Variants in WWOX observed in about 807,000 individuals in gnomAD.
WWOX encodes the protein WW domain containing oxidoreductase.
WWOX carries 69 observed loss-of-function variants against 46.2 expected under a neutral mutation model. The observed-to-expected ratio is 1.49, with a 90% CI of 1.23 to 1.82. WWOX has a LOEUF of 1.82. Among genes scored for constraint, WWOX ranks in the 40% most tolerant of loss-of-function variants. WWOX has a pLI of 0.00. For synonymous variants in WWOX, 359 were observed against 202.6 expected, an observed-to-expected ratio of 1.77 and a Z score of -6.56; for missense variants, 919 against 542.6, an observed-to-expected ratio of 1.69 and a Z score of -6.89.
chr16:78,983,101 G>C (rs1263142920), intron 8 of WWOX, among the ~76,000 whole-genome samples: 1 of 152,124 alleles, frequency 6.6e-6, no homozygotes, highest in South Asian at 2.1e-4. Context: ...TGCTTTTGTA[G>C]ACTGACACTG....
intron 8 of WWOX, among the ~76,000 whole-genome samples, chr16:79,130,509 G>A (rs773978582): frequency 4.6e-5 from 7 of 152,176 alleles, no homozygotes; most frequent in Non-Finnish European, 8.8e-5. Context: ...TGAGTCTTGA[G>A]ACTCCAGAGA....
Position 78,452,675 on chromosome 16 carries a change from C to G in WWOX, c.1056+19923C>G, listed in dbSNP as rs547867243. The stretch of plus-strand genomic sequence containing the variant: ...GTTTTTAATAGAGACTAGGTTTTAC[C>G]ATGTTGGCCAGGCTGGTATCGAATT... On this transcript the variant is annotated intron_variant, in intron 8 of 8. Transcript: ENST00000566780. 2.2e-3 allele frequency among the ~76,000 whole-genome samples: 338 copies of G among 151,612 alleles called. 1 individual carries two copies. The highest frequency in any genetic ancestry group is 7.9e-3 in the African/African-American group (325 of 41,292).
intron 6 of WWOX, among the ~76,000 whole-genome samples, chr16:78,424,085 T>A (rs1228969572): frequency 6.7e-6 from 1 of 150,064 alleles, no homozygotes; most frequent in Non-Finnish European, 1.5e-5. Context: ...TCTTTTTCTT[T>A]GTTTTTCTTT....
intron 5 of WWOX, chr16:78,355,471 G>C: frequency 3.1e-6 from 1 of 319,362 alleles, no homozygotes; most frequent in Non-Finnish European, 6.2e-6. Flanking sequence ...GCGTGGTGGC[G>C]GGCACCTGTA....
At chr16:79,052,870 C>T (rs2048194918) in intron 8 of WWOX, among the ~76,000 whole-genome samples, 2 of 149,532 alleles carry the variant, frequency 1.3e-5, no homozygotes, top group South Asian at 4.2e-4. Context: ...AAGTGGATGG[C>T]AAGAAGATAA....
chr16:78,464,396 A>G lies in WWOX; in HGVS notation c.1056+31644A>G, dbSNP rs114625526. 8.4e-3 allele frequency among the ~76,000 whole-genome samples: 1,283 copies of G among 152,180 alleles called. 18 individuals are homozygous for G. The highest frequency in any genetic ancestry group is 0.03 in the African/African-American group (1,231 of 41,540). On this transcript the variant is annotated intron_variant, in intron 8 of 8. Coordinates refer to ENST00000566780, the MANE Select transcript of WWOX (RefSeq NM_016373.4). Reference sequence around the variant, plus strand: ...CACAGAGGTAGAGAGGCAGGGAGATAATGGAGATCCTGGCCAAAAGTTAAT... The same window carrying G: ...CACAGAGGTAGAGAGGCAGGGAGATGATGGAGATCCTGGCCAAAAGTTAAT...
intron 5 of WWOX, among the ~76,000 whole-genome samples, chr16:78,196,058 C>T (rs1165619317): frequency 6.6e-6 from 1 of 152,068 alleles, no homozygotes; most frequent in Non-Finnish European, 1.5e-5. Flanking sequence ...CGATGATGGG[C>T]CCCACTTAAC....
In WWOX at chr16:78,587,625, A is replaced by G. The variant is rs540145063; in HGVS notation, c.1056+154873A>G. Among the ~76,000 whole-genome samples, 19 of 152,214 alleles carry G rather than the reference A, an allele frequency of 1.2e-4. No homozygotes were observed. The East Asian group carries it at 2.3e-3, about 19-fold the overall frequency. ...GAAATGTCACTTTCTTTGGTGTTGG[A>G]TCCATAGGACATTTTGAGGAATTGG... On this transcript the variant is annotated intron_variant, in intron 8 of 8. Transcript: ENST00000566780.
At chr16:78,598,434 C>T (rs1206333562) in intron 8 of WWOX, among the ~76,000 whole-genome samples, 1 of 152,188 alleles carries the variant, frequency 6.6e-6, no homozygotes, top group Non-Finnish European at 1.5e-5. Flanking sequence ...TAACTTCTTC[C>T]TCTTTCCCCC....
At chr16:79,011,940 C>T (rs1374227580) in intron 8 of WWOX, among the ~76,000 whole-genome samples, 1 of 152,222 alleles carries the variant, frequency 6.6e-6, no homozygotes, top group African/African-American at 2.4e-5. Context: ...AGGCATGAGC[C>T]ACTGTGCCTG....
intron 8 of WWOX, among the ~76,000 whole-genome samples, chr16:78,480,489 T>G (rs2084459880): frequency 1.3e-5 from 2 of 152,268 alleles, no homozygotes; most frequent in East Asian, 1.9e-4. Context: ...TTCTTTGAAA[T>G]AGGACTATTG....
intron 5 of WWOX, among the ~76,000 whole-genome samples, chr16:78,279,392 C>G (rs1445846254): frequency 6.6e-6 from 1 of 152,078 alleles, no homozygotes. Flanking sequence ...ACTTTTGTCT[C>G]TATCTTTCAT....
chr16:78,378,107 C>T (rs879899767), intron 5 of WWOX, among the ~76,000 whole-genome samples: 1 of 151,726 alleles, frequency 6.6e-6, no homozygotes, highest in African/African-American at 2.4e-5. Flanking sequence ...AATCCCCCTG[C>T]GTCCCCCCGC....
At chr16:79,072,922 A>T (rs1074540) in intron 8 of WWOX, among the ~76,000 whole-genome samples, 61,388 of 151,908 alleles carry the variant, frequency 0.4, 12,600 homozygotes, top group East Asian at 0.57. Context: ...ACTTTCAGCT[A>T]AGTGGAAGTG....
rs567648070 is a variant in WWOX, at chr16:79,039,850, C to T, written c.1057-171758C>T. Among the ~76,000 whole-genome samples the T allele has an allele frequency of 8.5e-5, 13 of 152,316 alleles. No individual in the cohort carries two copies. The South Asian group carries it at 1.9e-3, about 22-fold the overall frequency. On this transcript the variant is annotated intron_variant, in intron 8 of 8. Transcript: ENST00000566780. ...ATATTCATCATCTGACTCATCTCTA[C>T]CAGTCAGGAGTTGCTTCTTCCAGGA... is the stretch of plus-strand genomic sequence containing the variant.
chr16:78,326,329 T>G (rs908774604), intron 5 of WWOX, among the ~76,000 whole-genome samples: 1 of 152,208 alleles, frequency 6.6e-6, no homozygotes, highest in Non-Finnish European at 1.5e-5. Context: ...ATTGCAAGGC[T>G]GTATATGATA....
intron 8 of WWOX, among the ~76,000 whole-genome samples, chr16:79,180,818 T>C (rs540413196): frequency 6.6e-4 from 100 of 152,268 alleles, no homozygotes; most frequent in African/African-American, 2.3e-3. Context: ...AATATAGATA[T>C]ACAAAATGAA....
rs545626393 is a variant in WWOX at position 79,200,517 on chromosome 16, C to G, written c.1057-11091C>G. Among the ~76,000 whole-genome samples, 274 of 152,288 alleles carry G rather than the reference C, an allele frequency of 1.8e-3. 1 individual carries two copies. Among genetic ancestry groups the G allele is most frequent in the Non-Finnish European group, 3.5e-3 (240 of 68,026 alleles). On this transcript the variant is annotated intron_variant, in intron 8 of 8. Coordinates refer to ENST00000566780, the MANE Select transcript of WWOX (RefSeq NM_016373.4). The stretch of plus-strand genomic sequence containing the variant: ...ACCTCCTTTAGCCTCTGTCTCCCCT[C>G]CACTACAATAACACCTGCCTGGTGG...
intron 8 of WWOX, among the ~76,000 whole-genome samples, chr16:78,888,627 C>A (rs1006608454): frequency 1.3e-5 from 2 of 152,108 alleles, no homozygotes; most frequent in Non-Finnish European, 1.5e-5. Context: ...TCCCTGCTGA[C>A]CGAGCCAGAA....
Sources: allele counts gnomAD v4.1 joint callset (sites outside exome capture counted in the v4.1 genomes callset), GRCh38; gene constraint gnomAD v4.1.1; transcripts MANE v1.5; gene names NCBI Gene and HGNC (gene_info 2026-07-23, HGNC 2026-07-21).